Variants in ROBO2 observed in about 807,000 individuals in gnomAD.
The protein encoded by ROBO2 is roundabout guidance receptor 2.
A neutral mutation model predicts 160.8 loss-of-function variants in ROBO2; 53 were observed. That is an observed-to-expected ratio of 0.33 (90% CI 0.26 to 0.41). The LOEUF (loss-of-function observed/expected upper bound fraction) is 0.41. ROBO2 is among the 10% of genes least tolerant of loss of function. The pLI, the probability that ROBO2 is intolerant of heterozygous loss-of-function variation, is 1.00. For missense variants in ROBO2, 1,577 were observed against 1,722.4 expected, an observed-to-expected ratio of 0.92 and a Z score of 1.49; for synonymous variants, 664 against 611.7, an observed-to-expected ratio of 1.09 and a Z score of -1.26.
chr3:75,978,956 G>C (rs779100977), intron 2 of ROBO2, among the ~76,000 whole-genome samples: 1 of 151,240 alleles, frequency 6.6e-6, no homozygotes, highest in African/African-American at 2.4e-5. Flanking sequence ...GATCATACCC[G>C]GGTTAGTATT....
intron 2 of ROBO2, among the ~76,000 whole-genome samples, chr3:76,379,318 A>G (rs2108538715): frequency 6.6e-6 from 1 of 152,118 alleles, no homozygotes; most frequent in South Asian, 2.1e-4. Flanking sequence ...GTTTATAAAT[A>G]CTTGAAATCT....
intron 24 of ROBO2, among the ~76,000 whole-genome samples, chr3:77,640,097 A>ATTTTTTTTTTTTTTTTTTTTTTTTTTTT (rs71104695): frequency 1.5e-5 from 1 of 65,440 alleles, no homozygotes; most frequent in South Asian, 9.0e-4. Flanking sequence ...CAGAGGAAGC[A>ATTTTTTTTTTTTTTTTTTTTTTTTTTTT]TTTTTTTTTT....
chr3:76,850,271 G>C (rs1369975539), intron 2 of ROBO2, among the ~76,000 whole-genome samples: 1 of 151,986 alleles, frequency 6.6e-6, no homozygotes, highest in Non-Finnish European at 1.5e-5. Context: ...TTCTCTCTTA[G>C]ACTATGTAAC....
intron 2 of ROBO2, among the ~76,000 whole-genome samples, chr3:76,173,801 G>A (rs931059457): frequency 5.9e-5 from 9 of 151,952 alleles, no homozygotes; most frequent in Non-Finnish European, 1.2e-4. Flanking sequence ...CTTTGCTATC[G>A]TAAATAGTGT....
chr3:77,305,661 C>G (rs903266520), intron 2 of ROBO2, among the ~76,000 whole-genome samples: 3 of 152,174 alleles, frequency 2.0e-5, no homozygotes, highest in Admixed American at 1.3e-4. Context: ...AAGAGTAGCA[C>G]CTTTCCTCCA....
In ROBO2 at chr3:77,274,740, C is replaced by T. The variant is rs115772474; in HGVS notation, c.388+176400C>T. Among the ~76,000 whole-genome samples the T allele has an allele frequency of 6.3e-3, 957 of 152,074 alleles. 5 individuals carry two copies. Among genetic ancestry groups the T allele is most frequent in the African/African-American group, 0.022 (909 of 41,478 alleles). ...GTATACTTTGTAATAGGTACTTTCC[C>T]GCCCTCTGTGAAGAGTTTAAAAATC... On this transcript the variant is annotated intron_variant, in intron 2 of 25. Coordinates refer to ENST00000461745, the Ensembl canonical transcript of ROBO2.
intron 2 of ROBO2, among the ~76,000 whole-genome samples, chr3:76,723,372 C>A (rs1282764664): frequency 6.6e-6 from 1 of 152,080 alleles, no homozygotes; most frequent in Non-Finnish European, 1.5e-5. Flanking sequence ...ATGAGTAGTG[C>A]ACCATCTTTG....
intron 2 of ROBO2, among the ~76,000 whole-genome samples, chr3:77,164,625 C>A (rs2078832017): frequency 8.0e-6 from 1 of 125,016 alleles, no homozygotes; most frequent in Admixed American, 7.9e-5. Flanking sequence ...GTGAGGAGCC[C>A]CTCTGCCCGG....
In ROBO2 at chr3:76,146,893, CACACACACAT is replaced by C. The variant is rs1346837172; in HGVS notation, c.109+209301_109+209310del. Among the ~76,000 whole-genome samples, 98 of 150,354 alleles carry C rather than the reference CACACACACAT, an allele frequency of 6.5e-4. 1 individual carries two copies. Among genetic ancestry groups the C allele is most frequent in the African/African-American group, 2.2e-3 (91 of 41,102 alleles). On this transcript the variant is annotated intron_variant, in intron 2 of 26. Coordinates refer to the ROBO2 transcript ENST00000487694. ...ACACACACTCACACACACACAAACA[CACACACACAT>C]ACACACACACACACACAAACACATA...
intron 2 of ROBO2, among the ~76,000 whole-genome samples, chr3:77,180,416 C>CTCTCTCTCTACA (rs1433740534): frequency 2.2e-5 from 2 of 90,708 alleles, no homozygotes; most frequent in Non-Finnish European, 4.6e-5. Flanking sequence ...CTCTCTCTCT[C>CTCTCTCTCTACA]TATATATATA....
At chr3:77,093,737 C>A (rs1324740754) in intron 1 of ROBO2, among the ~76,000 whole-genome samples, 1 of 151,990 alleles carries the variant, frequency 6.6e-6, no homozygotes, top group African/African-American at 2.4e-5. Context: ...TTTTGTATAT[C>A]TATGTCTATC....
At chr3:76,954,416 TCTCA>T (rs2079127005) in intron 2 of ROBO2, among the ~76,000 whole-genome samples, 1 of 152,208 alleles carries the variant, frequency 6.6e-6, no homozygotes, top group South Asian at 2.1e-4. Flanking sequence ...GAATGTATTT[TCTCA>T]CTCTATTTCA....
chr3:76,275,902 A>G (rs545079503), intron 2 of ROBO2, among the ~76,000 whole-genome samples: 2 of 152,116 alleles, frequency 1.3e-5, no homozygotes, highest in Non-Finnish European at 2.9e-5. Context: ...TATAAAATGT[A>G]AAGACAAAAA....
intron 2 of ROBO2, among the ~76,000 whole-genome samples, chr3:76,756,133 T>C (rs2060953661): frequency 6.6e-6 from 1 of 151,872 alleles, no homozygotes; most frequent in African/African-American, 2.4e-5. Context: ...TTTCATGGTC[T>C]ATTGGCCAGG....
intron 21 of ROBO2, among the ~76,000 whole-genome samples, chr3:77,614,047 A>G (rs533109094): frequency 6.6e-6 from 1 of 152,304 alleles, no homozygotes; most frequent in South Asian, 2.1e-4. Context: ...AAACAAATTA[A>G]TTTATTTGAG....
At chr3:75,973,100 C>G (rs1480435816) in intron 2 of ROBO2, among the ~76,000 whole-genome samples, 1 of 151,630 alleles carries the variant, frequency 6.6e-6, no homozygotes, top group Non-Finnish European at 1.5e-5. Context: ...ACCAGGCAAT[C>G]AATTACTAAT....
intron 2 of ROBO2, among the ~76,000 whole-genome samples, chr3:76,862,539 T>G (rs1352489018): frequency 6.6e-6 from 1 of 152,108 alleles, no homozygotes; most frequent in Non-Finnish European, 1.5e-5. Flanking sequence ...ACAAAGGGGT[T>G]ATGATCTAAT....
At chr3:75,947,662 G>T (rs1407407809) in intron 2 of ROBO2, among the ~76,000 whole-genome samples, 1 of 152,078 alleles carries the variant, frequency 6.6e-6, no homozygotes, top group Non-Finnish European at 1.5e-5. Flanking sequence ...GTAGGGTAGA[G>T]AATTTAAGCC....
intron 2 of ROBO2, among the ~76,000 whole-genome samples, chr3:77,359,296 G>A (rs1270075610): frequency 1.3e-5 from 2 of 152,172 alleles, no homozygotes; most frequent in Non-Finnish European, 2.9e-5. Context: ...GGCTTAGAGG[G>A]CTGGGAACTA....
Sources: allele counts gnomAD v4.1 joint callset (sites outside exome capture counted in the v4.1 genomes callset), GRCh38; gene constraint gnomAD v4.1.1; transcripts MANE v1.5; gene names NCBI Gene and HGNC (gene_info 2026-07-23, HGNC 2026-07-21).